The following COL21A1 variants were observed in gnomAD, a reference collection of about 807,000 sequenced individuals.
COL21A1 encodes collagen type XXI alpha 1 chain.
Under a neutral mutation model 137.9 loss-of-function variants are expected in COL21A1, and 149 were observed. That is an observed-to-expected ratio of 1.08 (90% confidence interval 0.95 to 1.24). The LOEUF (loss-of-function observed/expected upper bound fraction) is 1.24. COL21A1 is among the 50% of genes most tolerant of loss of function. COL21A1 has a pLI of 0.00. For synonymous variants in COL21A1, 456 were observed against 391.5 expected, an observed-to-expected ratio of 1.16 and a Z score of -1.95; for missense variants, 1,167 against 1,158.4, an observed-to-expected ratio of 1.01 and a Z score of -0.11.
At chr6:56,238,712 A>G (rs975128007) in intron 1 of COL21A1, among the ~76,000 whole-genome samples, 2 of 152,224 alleles carry the variant, frequency 1.3e-5, no homozygotes, top group African/African-American at 4.8e-5. Context: ...TCTCCCAAGT[A>G]CTAGGTGGAT....
rs527749573 is a variant in COL21A1, at chr6:56,315,295, C to T, written c.-39+78676G>A. ...CATGCCTGCCTTTTGATTGATCCCA[C>T]GGGGCAGATGAACACATAGGCTGAC... On this transcript the variant is annotated intron_variant, in intron 1 of 28. Coordinates refer to the COL21A1 transcript ENST00000370819. Among the ~76,000 whole-genome samples, 10 of 152,232 alleles carry T rather than the reference C, an allele frequency of 6.6e-5. No homozygotes were observed. The South Asian group carries it at 8.3e-4, about 13-fold the overall frequency.
intron 23 of COL21A1, 58 bp downstream of exon 23, chr6:56,067,237 A>AT (rs138548441): frequency 0.14 from 194,305 of 1,363,730 alleles, 14,520 homozygotes; most frequent in Middle Eastern, 0.16. Flanking sequence ...TAAAATAAGA[A>AT]CTTTTTAAAA....
intron 17 of COL21A1, among the ~76,000 whole-genome samples, chr6:56,081,096 C>T (rs1767717707): frequency 1.3e-5 from 2 of 151,748 alleles, no homozygotes; most frequent in African/African-American, 2.4e-5. Context: ...AAATATTTAG[C>T]TCAGTGCTGG....
intron 1 of COL21A1, among the ~76,000 whole-genome samples, chr6:56,211,007 G>A (rs1181114777): frequency 6.6e-6 from 1 of 151,666 alleles, no homozygotes; most frequent in Non-Finnish European, 1.5e-5. Context: ...ATGTATGTGT[G>A]TGACAGTAGC....
At chr6:56,270,040 T>C (rs1485403353) in intron 1 of COL21A1, among the ~76,000 whole-genome samples, 2 of 152,136 alleles carry the variant, frequency 1.3e-5, no homozygotes, top group Non-Finnish European at 2.9e-5. Flanking sequence ...ACAAAACAAC[T>C]AGCTAGCAAT....
intron 1 of COL21A1, among the ~76,000 whole-genome samples, chr6:56,207,202 A>G (rs1169456080): frequency 6.6e-6 from 1 of 152,190 alleles, no homozygotes; most frequent in African/African-American, 2.4e-5. Context: ...AGCAAAACTG[A>G]AGGAGATAGA....
intron 3 of COL21A1, among the ~76,000 whole-genome samples, chr6:56,173,695 A>G (rs1349467744): frequency 6.6e-6 from 1 of 152,182 alleles, no homozygotes; most frequent in Non-Finnish European, 1.5e-5. Flanking sequence ...CATCATGATA[A>G]CAAAAATACG....
At chr6:56,129,900 G>T (rs1417700462) in intron 12 of COL21A1, among the ~76,000 whole-genome samples, 1 of 150,466 alleles carries the variant, frequency 6.6e-6, no homozygotes, top group Non-Finnish European at 1.5e-5. Context: ...CCTACCATAT[G>T]AACTCCTAAT....
chr6:56,107,301 T>C (rs1396099031), intron 16 of COL21A1, among the ~76,000 whole-genome samples: 1 of 151,880 alleles, frequency 6.6e-6, no homozygotes. Context: ...TTGAAACACA[T>C]TAAAGGCTCA....
At chr6:56,227,756 T>C (rs1048499763) in intron 1 of COL21A1, among the ~76,000 whole-genome samples, 1 of 152,016 alleles carries the variant, frequency 6.6e-6, no homozygotes, top group African/African-American at 2.4e-5. Context: ...TCAGCAAGTA[T>C]AGGGTTTTTG....
intron 1 of COL21A1, among the ~76,000 whole-genome samples, chr6:56,239,390 A>G (rs910968425): frequency 6.6e-6 from 1 of 152,204 alleles, no homozygotes; most frequent in Non-Finnish European, 1.5e-5. Flanking sequence ...TAAAAATAAT[A>G]CATGTATTTA....
chr6:56,129,699 TGAGAGAGA>T (rs3065909), intron 12 of COL21A1, among the ~76,000 whole-genome samples: 3 of 120,440 alleles, frequency 2.5e-5, no homozygotes, highest in Admixed American at 8.9e-5. Context: ...TGTGTGTGTG[TGAGAGAGA>T]GAGAGAGAGA....
rs193286757 is a variant in COL21A1 at position 56,191,487 on chromosome 6, G to A, written c.-38-8831C>T. On this transcript the variant is annotated intron_variant, in intron 1 of 29. Transcript: ENST00000244728. ...GTTGCCTGTAATCCCAGTTACCGGGGAGGCTGAGGCAGGAGAAATGCTTGA... is the reference window on the plus strand; with the variant it reads ...GTTGCCTGTAATCCCAGTTACCGGGAAGGCTGAGGCAGGAGAAATGCTTGA... 2.3e-3 allele frequency among the ~76,000 whole-genome samples: 355 copies of A among 151,306 alleles called. 1 individual carries two copies. The highest frequency in any genetic ancestry group is 8.1e-3 in the African/African-American group (334 of 41,156).
At chr6:56,350,555 G>A (rs751898551) in intron 1 of COL21A1, among the ~76,000 whole-genome samples, 12 of 152,118 alleles carry the variant, frequency 7.9e-5, no homozygotes, top group East Asian at 3.8e-4. Context: ...AATACATTTC[G>A]GGGAAAATAT....
rs1301311298 is a variant in COL21A1 at position 56,382,630 on chromosome 6, G to A, written c.-39+11341C>T. 2.0e-5 allele frequency among the ~76,000 whole-genome samples: 3 copies of A among 152,196 alleles called. No homozygotes were observed. In the East Asian group the frequency reaches 5.8e-4, roughly 29 times the overall value. On this transcript the variant is annotated intron_variant, in intron 1 of 28. Coordinates refer to the COL21A1 transcript ENST00000370819. ...TGGTGGTTTTATAAGAAGAGGAAGA[G>A]AGGAAGATCCTTTCCTCTCCCTCAC...
At chr6:56,148,332 A>AAGAGAGAGAGAGAG (rs1554145096) in intron 10 of COL21A1, among the ~76,000 whole-genome samples, 43 of 24,716 alleles carry the variant, frequency 1.7e-3, no homozygotes, top group Admixed American at 0.01. Context: ...TTAGTGAGAC[A>AAGAGAGAGAGAGAG]AGAGACAGAG....
intron 1 of COL21A1, among the ~76,000 whole-genome samples, chr6:56,284,584 G>A (rs1763860031): frequency 6.6e-6 from 1 of 151,980 alleles, no homozygotes; most frequent in South Asian, 2.1e-4. Flanking sequence ...CCTCCTAACA[G>A]CAGTGTCTTC....
intron 1 of COL21A1, among the ~76,000 whole-genome samples, chr6:56,266,196 G>A (rs909110583): frequency 1.3e-5 from 2 of 152,104 alleles, no homozygotes; most frequent in Non-Finnish European, 2.9e-5. Context: ...GAAAATCAAA[G>A]CAAAAGTAAA....
intron 1 of COL21A1, among the ~76,000 whole-genome samples, chr6:56,213,234 A>C (rs1780287169): frequency 6.6e-6 from 1 of 152,164 alleles, no homozygotes; most frequent in African/African-American, 2.4e-5. Flanking sequence ...ATTTTATTTC[A>C]ATAGATAAAA....
Sources: gnomAD v4.1 joint callset for allele counts (sites outside exome capture counted in the v4.1 genomes callset) on GRCh38, gnomAD v4.1.1 for gene constraint, MANE v1.5 for transcripts, NCBI Gene and HGNC (gene_info 2026-07-23, HGNC 2026-07-21) for gene names.